SLC28A3: variants seen among roughly 807,000 people sequenced by gnomAD.
SLC28A3 encodes the protein concentrative Na(+)-nucleoside cotransporter 3.
In SLC28A3, 68 loss-of-function variants were observed where a neutral mutation model predicts 84.2. The ratio of observed to expected loss-of-function variants is 0.81; its 90% confidence interval spans 0.66 to 0.99. SLC28A3 has a LOEUF of 0.99. SLC28A3 is among the 50% of genes least tolerant of loss of function. SLC28A3 has a pLI of 0.00. For missense variants in SLC28A3, 712 were observed against 841.5 expected (o/e 0.85, Z 1.90); for synonymous variants, 267 against 303.6 (o/e 0.88, Z 1.25).
the SLC28A3 span, among the ~76,000 whole-genome samples, chr9:84,362,845 A>G: frequency 5.9e-5 from 9 of 152,086 alleles, no homozygotes; most frequent in Admixed American, 4.6e-4. Context: ...GCATTAAAAT[A>G]TAAGTAGGTA....
chr9:84,354,461 G>A, the SLC28A3 span, among the ~76,000 whole-genome samples: 1 of 152,236 alleles, frequency 6.6e-6, no homozygotes, highest in African/African-American at 2.4e-5. Context: ...ATAGCCAAAG[G>A]ATATAGGAGT....
chr9:84,368,486 G>A, the SLC28A3 span, among the ~76,000 whole-genome samples: 187 of 152,130 alleles, frequency 1.2e-3, 1 homozygote, highest in Non-Finnish European at 2.2e-3. Flanking sequence ...GGTCCCAAGC[G>A]CTCTTCATTT....
In SLC28A3 at chr9:84,299,718, A is replaced by G. The variant is rs943161060; in HGVS notation, c.532T>C (p.Trp178Arg). Residue 178 changes from tryptophan (W) to arginine (R), a missense_variant, in exon 6 of 18, where the codon TGG (tryptophan) becomes CGG (arginine). Transcript: ENST00000376238. ...SHWFWLKWVI[W>R]SSLVLAVIFW... is the part of the protein sequence containing the mutation. ...ATAACTGCTAGGACCAGGGAGCTCC[A>G]GATCACCCTAAGAGAAGGGGAAAGG... The G allele has an allele frequency of 6.3e-7, 1 of 1,597,254 alleles. No homozygotes were observed. The highest frequency in any genetic ancestry group is 1.4e-5 in the African/African-American group (1 of 73,868).
intron 3 of SLC28A3, among the ~76,000 whole-genome samples, chr9:84,307,926 T>C (rs1277835145): frequency 6.6e-6 from 1 of 152,180 alleles, no homozygotes; most frequent in Non-Finnish European, 1.5e-5. Context: ...GAAACCTGAG[T>C]ACCTCTGACC....
At chr9:84,367,706 C>A in the SLC28A3 span, among the ~76,000 whole-genome samples, 1 of 152,158 alleles carries the variant, frequency 6.6e-6, no homozygotes, top group South Asian at 2.1e-4. Flanking sequence ...AGCAGGAAAA[C>A]ATATGAGCAA....
intron 1 of SLC28A3, among the ~76,000 whole-genome samples, chr9:84,336,888 C>T (rs752444412): frequency 2.6e-5 from 4 of 152,184 alleles, no homozygotes; most frequent in Non-Finnish European, 4.4e-5. Context: ...CCCACCCCAC[C>T]TCCTACTGTG....
the SLC28A3 span, among the ~76,000 whole-genome samples, chr9:84,366,722 A>C: frequency 4.7e-4 from 72 of 152,286 alleles, no homozygotes; most frequent in African/African-American, 1.4e-3. Flanking sequence ...CTCTTCCCTT[A>C]CTTTCTCCCA....
At chr9:84,323,668 C>A (rs2118524933) in intron 1 of SLC28A3, among the ~76,000 whole-genome samples, 1 of 152,152 alleles carries the variant, frequency 6.6e-6, no homozygotes, top group African/African-American at 2.4e-5. Flanking sequence ...CGTGATCCGA[C>A]CCCCTCAGCC....
chr9:84,307,430 CAA>C (rs773007559), intron 3 of SLC28A3, among the ~76,000 whole-genome samples: 1 of 40,750 alleles, frequency 2.5e-5, no homozygotes, highest in Non-Finnish European at 4.3e-5. Context: ...GACTCCATCT[CAA>C]AAAAAAAAAA....
chr9:84,288,206 C>A, intron 11 of SLC28A3, 28 bp from the exon 12 acceptor site: 1 of 1,613,166 alleles, frequency 6.2e-7, no homozygotes, highest in Non-Finnish European at 8.5e-7. Context: ...AGAAGGCAAA[C>A]CTGGGATTAG....
At chr9:84,344,113 T>TA (rs1174582507), upstream of SLC28A3, among the ~76,000 whole-genome samples, 1 of 151,944 alleles carries the variant, frequency 6.6e-6, no homozygotes, top group East Asian at 1.9e-4. Context: ...ATTTTTTTTT[T>TA]ATCTTGCCCA....
chr9:84,300,519 C>T (rs1825586833), intron 5 of SLC28A3, among the ~76,000 whole-genome samples: 1 of 152,202 alleles, frequency 6.6e-6, no homozygotes, highest in Non-Finnish European at 1.5e-5. Flanking sequence ...ACAAATCTGA[C>T]TCAGGACTCA....
chr9:84,278,000 T>C lies in SLC28A3; in HGVS notation c.*218A>G, dbSNP rs1025614247. On this transcript the variant is annotated 3_prime_UTR_variant, in exon 18 of 18. Coordinates refer to ENST00000376238, the MANE Select transcript of SLC28A3 (RefSeq NM_001199633.2). ...AACAACACCTCACTTTGGGACATCA[T>C]AGCAGTTCTTGGTGGGGAAGGGGCT... The C allele has an allele frequency of 2.7e-5, 15 of 551,482 alleles. No individual in the cohort carries two copies. Among genetic ancestry groups the C allele is most frequent in the Non-Finnish European group, 4.4e-5 (14 of 317,784 alleles). 34.2% of individuals were successfully genotyped at this position (551,482 alleles called of 1,614,324 possible).
At chr9:84,286,792 C>T (rs1451900214) in intron 12 of SLC28A3, among the ~76,000 whole-genome samples, 1 of 152,144 alleles carries the variant, frequency 6.6e-6, no homozygotes, top group East Asian at 1.9e-4. Context: ...TTGAATCCCC[C>T]TGTGTACTCT....
chr9:84,368,476 G>A, the SLC28A3 span, among the ~76,000 whole-genome samples: 129 of 152,200 alleles, frequency 8.5e-4, 1 homozygote, highest in African/African-American at 3.0e-3. Flanking sequence ...TGGTTGTTCA[G>A]GTCCCAAGCG....
At chr9:84,289,328 C>G (rs1825120087) in intron 11 of SLC28A3, among the ~76,000 whole-genome samples, 1 of 152,198 alleles carries the variant, frequency 6.6e-6, no homozygotes, top group Non-Finnish European at 1.5e-5. Flanking sequence ...TCCTAGTCTC[C>G]TGAGTCACAC....
intron 10 of SLC28A3, 49 bp from the exon 11 acceptor site, chr9:84,290,328 G>A (rs1171626444): frequency 1.9e-6 from 3 of 1,598,470 alleles, no homozygotes; most frequent in East Asian, 2.2e-5. Context: ...CTGTGTGGGG[G>A]CAGGGGAAGG....
chr9:84,353,570 C>T, the SLC28A3 span, among the ~76,000 whole-genome samples: 4 of 152,168 alleles, frequency 2.6e-5, no homozygotes, highest in East Asian at 1.9e-4. Context: ...ATTAGCCAGG[C>T]GTGTTGATGC....
At chr9:84,357,256 A>G in the SLC28A3 span, among the ~76,000 whole-genome samples, 1 of 152,188 alleles carries the variant, frequency 6.6e-6, no homozygotes, top group African/African-American at 2.4e-5. Context: ...TGATTTCACA[A>G]TCTTCATTCA....
Sources: allele counts gnomAD v4.1 joint callset (sites outside exome capture counted in the v4.1 genomes callset), GRCh38; gene constraint gnomAD v4.1.1; transcripts MANE v1.5; gene names NCBI Gene and HGNC (gene_info 2026-07-23, HGNC 2026-07-21).